GATAD2B: variants seen among roughly 807,000 people sequenced by gnomAD.
GATAD2B encodes the protein GATA zinc finger domain containing 2B.
GATAD2B carries 8 observed loss-of-function variants against 64.3 expected under a neutral mutation model. That is an observed-to-expected ratio of 0.12 (90% CI 0.07 to 0.22). The LOEUF (loss-of-function observed/expected upper bound fraction) is 0.22, where lower values mean the gene tolerates loss of function less well. Ranked by LOEUF, GATAD2B falls within the 10% of genes least tolerant of loss-of-function variation. The pLI is 1.00. For synonymous variants in GATAD2B, 281 were observed against 271.3 expected (o/e 1.04, Z -0.35); for missense variants, 453 against 752.0 (o/e 0.60, Z 4.65).
intron 1 of GATAD2B, among the ~76,000 whole-genome samples, chr1:153,866,927 C>T (rs1312775183): frequency 1.3e-5 from 2 of 152,072 alleles, no homozygotes; most frequent in Non-Finnish European, 2.9e-5. Flanking sequence ...ATTATAGGCG[C>T]ACACCACCAC....
At chr1:153,873,549 G>A (rs1676734633) in intron 1 of GATAD2B, among the ~76,000 whole-genome samples, 1 of 152,144 alleles carries the variant, frequency 6.6e-6, no homozygotes, top group South Asian at 2.1e-4. Flanking sequence ...GTGATGCCCT[G>A]TGCCACTCTG....
intron 1 of GATAD2B, among the ~76,000 whole-genome samples, chr1:153,835,964 C>A (rs890649912): frequency 5.3e-5 from 8 of 152,116 alleles, no homozygotes; most frequent in African/African-American, 1.9e-4. Flanking sequence ...TTCAAGCAAT[C>A]CTCCCGCCTC....
chr1:153,812,345 A>G, intron 8 of GATAD2B: 2 of 508,578 alleles, frequency 3.9e-6, no homozygotes, highest in Non-Finnish European at 6.9e-6. Flanking sequence ...CAATTTCCTA[A>G]CCAGAAAACC....
At chr1:153,814,199 T>C (rs1674380993) in intron 7 of GATAD2B, among the ~76,000 whole-genome samples, 2 of 152,252 alleles carry the variant, frequency 1.3e-5, no homozygotes, top group South Asian at 4.1e-4. Context: ...GTCTGAATTA[T>C]TCACTTTGTG....
chr1:153,873,756 C>T (rs1676741532), intron 1 of GATAD2B, among the ~76,000 whole-genome samples: 1 of 152,128 alleles, frequency 6.6e-6, no homozygotes, highest in South Asian at 2.1e-4. Context: ...CCAGCCTAGG[C>T]AACATAGTGA....
intron 1 of GATAD2B, among the ~76,000 whole-genome samples, chr1:153,846,099 GTATT>G (rs1362953749): frequency 6.6e-6 from 1 of 152,006 alleles, no homozygotes; most frequent in African/African-American, 2.4e-5. Context: ...GTTTTCGACA[GTATT>G]TATCTGAATT....
In GATAD2B at chr1:153,813,495, C is replaced by T. The variant is rs772422785; in HGVS notation, c.1217-43G>A. 6 of 1,318,530 alleles carry T rather than the reference C, an allele frequency of 4.6e-6. No homozygotes were observed. In the East Asian group the frequency reaches 9.2e-5, roughly 20 times the overall value. 81.7% of individuals were successfully genotyped at this position (1,318,530 alleles called of 1,614,324 possible). On this transcript the variant is annotated intron_variant, in intron 7 of 10. Coordinates refer to ENST00000368655, the MANE Select transcript of GATAD2B (RefSeq NM_020699.4). The stretch of plus-strand genomic sequence containing the variant: ...TAGTCAGTGGCTTTACATTTCCTAT[C>T]TCCTCTGTTTCTCTTAATCAAATAG...
intron 1 of GATAD2B, among the ~76,000 whole-genome samples, chr1:153,861,372 T>G (rs1413253127): frequency 1.3e-5 from 2 of 151,284 alleles, no homozygotes; most frequent in Non-Finnish European, 1.5e-5. Context: ...GGCAACATAG[T>G]GAGCCACTGT....
At chr1:153,869,928 C>T (rs1363375172) in intron 1 of GATAD2B, among the ~76,000 whole-genome samples, 3 of 151,874 alleles carry the variant, frequency 2.0e-5, no homozygotes, top group Non-Finnish European at 4.4e-5. Context: ...GAGTTCAAGA[C>T]CAGCTGGAAC....
chr1:153,921,054 G>A (rs1445618496), intron 1 of GATAD2B, among the ~76,000 whole-genome samples: 1 of 152,114 alleles, frequency 6.6e-6, no homozygotes, highest in African/African-American at 2.4e-5. Flanking sequence ...TCCAGAAGTG[G>A]CCTCCTTCCC....
At chr1:153,819,968 C>T (rs192050778) in intron 2 of GATAD2B, among the ~76,000 whole-genome samples, 26 of 152,016 alleles carry the variant, frequency 1.7e-4, no homozygotes, top group African/African-American at 5.1e-4. Context: ...CATGGCGGCG[C>T]GCACCTGTAG....
At chr1:153,869,791 A>G (rs913484602) in intron 1 of GATAD2B, among the ~76,000 whole-genome samples, 1 of 152,144 alleles carries the variant, frequency 6.6e-6, no homozygotes, top group African/African-American at 2.4e-5. Flanking sequence ...TTCTATATCT[A>G]TATTTGCATA....
intron 1 of GATAD2B, among the ~76,000 whole-genome samples, chr1:153,835,535 C>T (rs1217507408): frequency 6.6e-6 from 1 of 151,772 alleles, no homozygotes; most frequent in Non-Finnish European, 1.5e-5. Flanking sequence ...AATGGGTGAG[C>T]AGTCATCCAC....
chr1:153,852,281 C>A, intron 1 of GATAD2B: 1 of 1,177,724 alleles, frequency 8.5e-7, no homozygotes, highest in South Asian at 1.3e-5. Flanking sequence ...TTTTCTGCAG[C>A]TGCCCCTTGC....
chr1:153,818,946 G>T, intron 3 of GATAD2B, 24 bp from the exon 4 acceptor site: 1 of 1,603,886 alleles, frequency 6.2e-7, no homozygotes, highest in East Asian at 2.2e-5. Flanking sequence ...AAGACTTTCA[G>T]CTATGGCAGC....
chr1:153,833,589 T>G (rs891719955), intron 1 of GATAD2B, among the ~76,000 whole-genome samples: 1 of 151,972 alleles, frequency 6.6e-6, no homozygotes, highest in African/African-American at 2.4e-5. Context: ...CCGAGGCAGG[T>G]GGATCACCTA....
intron 1 of GATAD2B, among the ~76,000 whole-genome samples, chr1:153,862,885 C>G (rs182121292): frequency 6.6e-6 from 1 of 151,800 alleles, no homozygotes; most frequent in Non-Finnish European, 1.5e-5. Context: ...CCACCATACC[C>G]GGCTAATTTT....
chr1:153,889,413 C>CA (rs71093299), intron 1 of GATAD2B, among the ~76,000 whole-genome samples: 6,620 of 65,384 alleles, frequency 0.1, 228 homozygotes, highest in African/African-American at 0.18. Context: ...ACCCCGTCTC[C>CA]AAAAAAAAAA....
intron 1 of GATAD2B, among the ~76,000 whole-genome samples, chr1:153,893,427 C>T (rs1332440173): frequency 6.6e-6 from 1 of 151,506 alleles, no homozygotes; most frequent in Admixed American, 6.6e-5. Flanking sequence ...GGTGACATGC[C>T]GAAACCCAGT....
Sources: allele counts gnomAD v4.1 joint callset (sites outside exome capture counted in the v4.1 genomes callset), GRCh38; gene constraint gnomAD v4.1.1; transcripts MANE v1.5; gene names NCBI Gene and HGNC (gene_info 2026-07-23, HGNC 2026-07-21).